AMPH: variants seen among roughly 807,000 people sequenced by gnomAD.
AMPH encodes amphiphysin.
Under a neutral mutation model 99.1 loss-of-function variants are expected in AMPH, and 49 were observed. That is an observed-to-expected ratio of 0.49 (90% CI 0.39 to 0.63). The LOEUF is 0.63. Ranked by LOEUF, AMPH falls within the 20% of genes least tolerant of loss-of-function variation. The pLI is 0.00. For missense variants in AMPH, 759 were observed against 863.4 expected, an observed-to-expected ratio of 0.88 and a Z score of 1.52; for synonymous variants, 314 against 317.3, an observed-to-expected ratio of 0.99 and a Z score of 0.11.
At chr7:38,548,440 G>C (rs938057724) in intron 1 of AMPH, among the ~76,000 whole-genome samples, 3 of 152,126 alleles carry the variant, frequency 2.0e-5, no homozygotes, top group African/African-American at 7.2e-5. Flanking sequence ...TTCCCAACTT[G>C]ACTCTTCCCT....
intron 1 of AMPH, among the ~76,000 whole-genome samples, chr7:38,616,130 T>C (rs1444962393): frequency 6.6e-6 from 1 of 152,104 alleles, no homozygotes; most frequent in East Asian, 1.9e-4. Flanking sequence ...ACAGACACCA[T>C]GTGTACATCT....
intron 1 of AMPH, among the ~76,000 whole-genome samples, chr7:38,593,510 A>G (rs1389953473): frequency 1.3e-5 from 2 of 152,202 alleles, no homozygotes; most frequent in African/African-American, 4.8e-5. Context: ...AAGGACCTGT[A>G]ATTTTCCCTT....
intron 2 of AMPH, among the ~76,000 whole-genome samples, chr7:38,516,025 A>G (rs1466529864): frequency 6.6e-6 from 1 of 152,246 alleles, no homozygotes; most frequent in African/African-American, 2.4e-5. Flanking sequence ...GCTTATATTC[A>G]TGAGCAAAGA....
intron 17 of AMPH, among the ~76,000 whole-genome samples, chr7:38,396,494 T>C (rs1010627862): frequency 3.3e-5 from 5 of 152,216 alleles, no homozygotes; most frequent in African/African-American, 4.8e-5. Context: ...GGTATGTCTT[T>C]ATCAGCAGCA....
intron 11 of AMPH, among the ~76,000 whole-genome samples, chr7:38,444,994 T>TATATCCATATATATAC (rs1554337438): frequency 3.0e-4 from 1 of 3,336 alleles, no homozygotes. Context: ...TATATACATA[T>TATATCCATATATATAC]ATATATATAT....
At chr7:38,453,981 T>A (rs1039505323) in intron 11 of AMPH, among the ~76,000 whole-genome samples, 2 of 152,246 alleles carry the variant, frequency 1.3e-5, no homozygotes, top group African/African-American at 2.4e-5. Context: ...AACTGGGAGA[T>A]GCTGGGTAAG....
intron 1 of AMPH, among the ~76,000 whole-genome samples, chr7:38,571,274 T>TAGAATAC (rs1562835160): frequency 4.5e-5 from 2 of 44,204 alleles, no homozygotes; most frequent in African/African-American, 2.1e-4. Context: ...TATTTATATA[T>TAGAATAC]ATATTTTTAT....
intron 2 of AMPH, among the ~76,000 whole-genome samples, chr7:38,530,838 A>C (rs1231515348): frequency 1.3e-5 from 2 of 152,226 alleles, no homozygotes; most frequent in Non-Finnish European, 2.9e-5. Context: ...CGGGGAAGAA[A>C]GGCCCTCTGA....
chr7:38,590,902 TA>T (rs1241750870), intron 1 of AMPH, among the ~76,000 whole-genome samples: 1 of 152,142 alleles, frequency 6.6e-6, no homozygotes, highest in Non-Finnish European at 1.5e-5. Flanking sequence ...AATGTAAGAG[TA>T]AAAATGTCCC....
chr7:38,612,378 T>A (rs1793719087), intron 1 of AMPH, among the ~76,000 whole-genome samples: 1 of 152,070 alleles, frequency 6.6e-6, no homozygotes, highest in Non-Finnish European at 1.5e-5. Context: ...ACCCGGCCTG[T>A]TTTTGTCTTT....
At chr7:38,545,925 A>C (rs1790980243) in intron 1 of AMPH, among the ~76,000 whole-genome samples, 1 of 152,274 alleles carries the variant, frequency 6.6e-6, no homozygotes, top group Non-Finnish European at 1.5e-5. Context: ...AAAACAAATT[A>C]TACATACATT....
intron 2 of AMPH, among the ~76,000 whole-genome samples, chr7:38,513,278 TTAAAC>T (rs1007210397): frequency 6.6e-6 from 1 of 152,186 alleles, no homozygotes; most frequent in Non-Finnish European, 1.5e-5. Flanking sequence ...TATATCTAAA[TTAAAC>T]TAAGAATCTC....
At chr7:38,474,003 G>A (rs1168992437) in intron 7 of AMPH, among the ~76,000 whole-genome samples, 1 of 151,988 alleles carries the variant, frequency 6.6e-6, no homozygotes, top group African/African-American at 2.4e-5. Context: ...TCAAGGTGGA[G>A]CTTCTGAAAG....
chr7:38,600,054 G>T (rs1793193311), intron 1 of AMPH, among the ~76,000 whole-genome samples: 1 of 151,982 alleles, frequency 6.6e-6, no homozygotes. Flanking sequence ...ATTTGAGAGT[G>T]GCCTTTGGAT....
intron 5 of AMPH, among the ~76,000 whole-genome samples, chr7:38,486,739 A>C (rs1788512397): frequency 6.6e-6 from 1 of 152,124 alleles, no homozygotes; most frequent in Non-Finnish European, 1.5e-5. Context: ...ATGACCAAGT[A>C]GGATTCATTC....
At chr7:38,545,828 G>A (rs922217020) in intron 1 of AMPH, among the ~76,000 whole-genome samples, 1 of 152,160 alleles carries the variant, frequency 6.6e-6, no homozygotes, top group African/African-American at 2.4e-5. Context: ...AACAGATCCA[G>A]CAGGATGTGC....
chr7:38,532,948 G>A (rs3807394), intron 2 of AMPH, among the ~76,000 whole-genome samples: 5 of 151,958 alleles, frequency 3.3e-5, no homozygotes, highest in African/African-American at 4.8e-5. Flanking sequence ...ACAAGGTTTC[G>A]AAGGGTACAG....
chr7:38,426,482 G>A (rs1185162002), intron 15 of AMPH, among the ~76,000 whole-genome samples: 1 of 152,228 alleles, frequency 6.6e-6, no homozygotes, highest in Non-Finnish European at 1.5e-5. Flanking sequence ...GCTCTGTGCA[G>A]TGTGGCTCCT....
chr7:38,398,843 A>G (rs376677441), intron 17 of AMPH, among the ~76,000 whole-genome samples: 5 of 135,360 alleles, frequency 3.7e-5, no homozygotes, highest in African/African-American at 9.9e-5. Context: ...AAAAGTTAAA[A>G]ATAAACATAA....
Sources: gnomAD v4.1 joint callset for allele counts (sites outside exome capture counted in the v4.1 genomes callset) on GRCh38, gnomAD v4.1.1 for gene constraint, MANE v1.5 for transcripts, NCBI Gene and HGNC (gene_info 2026-07-23, HGNC 2026-07-21) for gene names.